The following ULK2 variants were observed in gnomAD, a reference collection of about 807,000 sequenced individuals.
ULK2 encodes the protein unc-51 like autophagy activating kinase 2.
ULK2 carries 76 observed loss-of-function variants against 127.5 expected under a neutral mutation model. That is an observed-to-expected ratio of 0.60 (90% CI 0.50 to 0.72). The LOEUF (loss-of-function observed/expected upper bound fraction) is 0.72. Ranked by LOEUF, ULK2 falls within the 30% of genes least tolerant of loss-of-function variation. The probability of loss-of-function intolerance (pLI) is 0.00; values close to 1 mark genes in which losing one functional copy is unlikely to be tolerated. For missense variants in ULK2, 1,144 were observed against 1,295.9 expected (o/e 0.88, Z 1.80); for synonymous variants, 452 against 461.9 (o/e 0.98, Z 0.28).
At chr17:19,825,208 A>T (rs1204446708) in intron 11 of ULK2, 26 bp from the exon 12 acceptor site, 10 of 1,605,610 alleles carry the variant, frequency 6.2e-6, no homozygotes, top group Non-Finnish European at 8.5e-6. Flanking sequence ...CAAATGAACT[A>T]CATCATTTTG....
chr17:19,799,147 C>T (rs1340972927), intron 17 of ULK2, among the ~76,000 whole-genome samples: 3 of 140,686 alleles, frequency 2.1e-5, no homozygotes, highest in Non-Finnish European at 3.0e-5. Flanking sequence ...GGCAACAGAG[C>T]GAGACTCCAT....
intron 3 of ULK2, among the ~76,000 whole-genome samples, chr17:19,859,161 A>G (rs1054528498): frequency 2.0e-5 from 3 of 151,974 alleles, no homozygotes; most frequent in Admixed American, 6.6e-5. Flanking sequence ...GTTTTAAAAG[A>G]TATTTTCCTA....
chr17:19,854,603 T>C (rs2042084446), intron 3 of ULK2, among the ~76,000 whole-genome samples: 1 of 152,092 alleles, frequency 6.6e-6, no homozygotes, highest in Admixed American at 6.6e-5. Flanking sequence ...GGAAAATAAG[T>C]TGAGTCCCTA....
chr17:19,866,826 C>T (rs555367217), intron 1 of ULK2, among the ~76,000 whole-genome samples: 1 of 152,126 alleles, frequency 6.6e-6, no homozygotes, highest in East Asian at 1.9e-4. Context: ...GAAAACGGTA[C>T]GGGGGCTCTT....
chr17:19,829,562 G>GGGGGGGC (rs2041384415), intron 10 of ULK2, among the ~76,000 whole-genome samples: 1 of 130,410 alleles, frequency 7.7e-6, no homozygotes, highest in Non-Finnish European at 1.7e-5. Flanking sequence ...GGGGGGCTGG[G>GGGGGGGC]CACGGTAGCT....
chr17:19,856,946 C>T (rs1377573530), intron 3 of ULK2, among the ~76,000 whole-genome samples: 1 of 126,592 alleles, frequency 7.9e-6, no homozygotes, highest in Non-Finnish European at 1.6e-5. Flanking sequence ...CACGGCACTC[C>T]AGCCTTGGTG....
At chr17:19,782,377 C>T (rs1463177657) in intron 22 of ULK2, among the ~76,000 whole-genome samples, 1 of 152,152 alleles carries the variant, frequency 6.6e-6, no homozygotes, top group Non-Finnish European at 1.5e-5. Flanking sequence ...ATACATGAGA[C>T]AAAAACGTGA....
rs549903265 is a variant in ULK2 at position 19,804,927 on chromosome 17, G to A, written c.1158-97C>T. The A allele has an allele frequency of 5.4e-4, 758 of 1,391,910 alleles. 2 individuals carry two copies. In the African/African-American group the frequency reaches 1.0e-2, roughly 18 times the overall value. The allele number at this position is 1,391,910 out of a possible 1,614,324, so 86.2% of individuals were successfully genotyped here. ...TTATATTTAGAGAAAATTCCAGAAA[G>A]AGCCAAATGGTCACTCCACTACCTT... On this transcript the variant is annotated intron_variant, in intron 14 of 26. Transcript: ENST00000395544.
chr17:19,781,807 G>T, intron 23 of ULK2, 82 bp downstream of exon 23: 1 of 1,454,530 alleles, frequency 6.9e-7, no homozygotes, highest in Non-Finnish European at 9.3e-7. Flanking sequence ...ATGATCTTCA[G>T]TGGATGACAA....
chr17:19,854,710 T>C (rs923702328), intron 3 of ULK2, among the ~76,000 whole-genome samples: 5 of 152,146 alleles, frequency 3.3e-5, no homozygotes, highest in African/African-American at 1.2e-4. Context: ...GGGAATCATT[T>C]TCATAAGCTC....
intron 15 of ULK2, among the ~76,000 whole-genome samples, chr17:19,803,397 G>A (rs941229485): frequency 5.9e-5 from 9 of 152,098 alleles, no homozygotes; most frequent in Admixed American, 4.6e-4. Flanking sequence ...AGTACTGTTT[G>A]GGTACCACCA....
intron 12 of ULK2, among the ~76,000 whole-genome samples, chr17:19,819,460 C>T (rs925564350): frequency 6.6e-6 from 1 of 152,182 alleles, no homozygotes; most frequent in Admixed American, 6.5e-5. Flanking sequence ...ATGAGCCACC[C>T]TGGGCTCTTC....
chr17:19,829,555 G>GGC (rs1555561154), intron 10 of ULK2, among the ~76,000 whole-genome samples: 1 of 134,704 alleles, frequency 7.4e-6, no homozygotes, highest in African/African-American at 2.7e-5. Flanking sequence ...AAAAGGGGGG[G>GGC]GGCTGGGCAC....
At chr17:19,840,922 A>G (rs1393212376) in intron 9 of ULK2, among the ~76,000 whole-genome samples, 1 of 152,018 alleles carries the variant, frequency 6.6e-6, no homozygotes, top group Non-Finnish European at 1.5e-5. Context: ...GCCTCTCTAC[A>G]TCTTGCTGCG....
intron 12 of ULK2, among the ~76,000 whole-genome samples, chr17:19,817,323 G>A (rs998550495): frequency 3.3e-5 from 5 of 151,964 alleles, no homozygotes; most frequent in African/African-American, 1.2e-4. Context: ...TTAAATTAAC[G>A]ACATCTTACA....
chr17:19,834,649 C>T (rs941840497), intron 10 of ULK2, among the ~76,000 whole-genome samples: 1 of 152,056 alleles, frequency 6.6e-6, no homozygotes, highest in Non-Finnish European at 1.5e-5. Context: ...TGATGGCTGA[C>T]ACCTATAATT....
chr17:19,801,593 G>A (rs531087226), intron 16 of ULK2, among the ~76,000 whole-genome samples, 184 bp downstream of exon 16: 1 of 152,122 alleles, frequency 6.6e-6, no homozygotes, highest in East Asian at 1.9e-4. Flanking sequence ...AATAGAGAAA[G>A]AAAAGGAAAA....
In ULK2 at chr17:19,774,839, T is replaced by C. The variant is rs1296776088; in HGVS notation, c.*1510A>G. 1.3e-5 allele frequency: 2 copies of C among 152,652 alleles called. No homozygotes were observed. The highest frequency in any genetic ancestry group is 4.8e-5 in the African/African-American group (2 of 41,460). 9.5% of individuals were successfully genotyped at this position (152,652 alleles called of 1,614,324 possible). A position where few individuals can be genotyped will look rare whatever the true frequency, so the allele number is the denominator to read the frequency against. On this transcript the variant is annotated 3_prime_UTR_variant, in exon 27 of 27. Transcript: ENST00000395544. ...AACAATTCAGTGAGTTTTACCTAGTTTCAAGAATAATGCATGCAGTTACAA... is the reference window on the plus strand; with the variant it reads ...AACAATTCAGTGAGTTTTACCTAGTCTCAAGAATAATGCATGCAGTTACAA...
intron 18 of ULK2, among the ~76,000 whole-genome samples, chr17:19,797,114 T>G (rs946804792): frequency 1.3e-5 from 2 of 151,920 alleles, no homozygotes; most frequent in Middle Eastern, 3.2e-3. Context: ...GCCAACATGG[T>G]GAAATCCCAT....
Sources: gnomAD v4.1 joint callset for allele counts (sites outside exome capture counted in the v4.1 genomes callset) on GRCh38, gnomAD v4.1.1 for gene constraint, MANE v1.5 for transcripts, NCBI Gene and HGNC (gene_info 2026-07-23, HGNC 2026-07-21) for gene names.